The following HNF1A variants were observed in gnomAD, a reference collection of about 807,000 sequenced individuals.
HNF1A encodes the protein hepatocyte nuclear factor 1-alpha.
Under a neutral mutation model 62.2 loss-of-function variants are expected in HNF1A, and 21 were observed. That is an observed-to-expected ratio of 0.34 (90% CI 0.24 to 0.49). The LOEUF is 0.49. Ranked by LOEUF, HNF1A falls within the 20% of genes least tolerant of loss-of-function variation. The pLI is 0.99. For synonymous variants in HNF1A, 374 were observed against 366.8 expected (o/e 1.02, Z -0.22); for missense variants, 687 against 832.3 (o/e 0.83, Z 2.15).
chr12:120,980,354 C>T (rs56015214), intron 1 of HNF1A, among the ~76,000 whole-genome samples: 1,798 of 152,152 alleles, frequency 0.012, 10 homozygotes, highest in Non-Finnish European at 0.019. Context: ...TGTCCAAGGT[C>T]CTGATCCCAG....
At chr12:120,987,035 A>T (rs148119737) in intron 1 of HNF1A, among the ~76,000 whole-genome samples, 50 of 152,320 alleles carry the variant, frequency 3.3e-4, no homozygotes, top group Non-Finnish European at 5.6e-4. Flanking sequence ...CCCACAGCAG[A>T]GACATGACTC....
At chr12:120,982,055 G>A (rs1258001711) in intron 1 of HNF1A, among the ~76,000 whole-genome samples, 2 of 152,086 alleles carry the variant, frequency 1.3e-5, no homozygotes, top group East Asian at 1.9e-4. Context: ...AAACCCCAGC[G>A]TGTTTCTTTT....
At chr12:120,983,690 CAT>C (rs1876363856) in intron 1 of HNF1A, among the ~76,000 whole-genome samples, 1 of 151,968 alleles carries the variant, frequency 6.6e-6, no homozygotes, top group African/African-American at 2.4e-5. Flanking sequence ...GGACCACAGG[CAT>C]ACGACACCAC....
chr12:120,984,231 C>T (rs1350617360), intron 1 of HNF1A, among the ~76,000 whole-genome samples: 1 of 152,150 alleles, frequency 6.6e-6, no homozygotes, highest in Non-Finnish European at 1.5e-5. Context: ...TTTTCACATT[C>T]AAAAGCCTGT....
At chr12:120,997,059 TG>T in intron 6 of HNF1A, 1 of 1,419,524 alleles carries the variant, frequency 7.0e-7, no homozygotes, top group Non-Finnish European at 9.3e-7. Context: ...TTTTGTTTTA[TG>T]AAGAAAAATT....
intron 1 of HNF1A, among the ~76,000 whole-genome samples, chr12:120,986,076 T>C (rs1346133865): frequency 1.3e-5 from 2 of 152,100 alleles, no homozygotes; most frequent in Admixed American, 6.5e-5. Context: ...CAGAGAAAAC[T>C]GTCCTTCTCA....
intron 6 of HNF1A, chr12:120,997,085 C>T (rs1877147850): frequency 7.1e-7 from 1 of 1,407,978 alleles, no homozygotes; most frequent in Non-Finnish European, 9.3e-7. Flanking sequence ...CCAGAAAGCC[C>T]TTATTTGCAG....
At position 120,985,257 on chromosome 12, in the gene HNF1A, T is replaced by G. The variant is rs530061434; in HGVS notation, c.327-3576T>G. Among the ~76,000 whole-genome samples, 4 of 151,652 alleles carry G rather than the reference T, an allele frequency of 2.6e-5. No individual in the cohort carries two copies. The East Asian group carries it at 7.9e-4, about 30-fold the overall frequency. Reference sequence around the variant, plus strand: ...CACCATGCCTGGCTAATTTATTTTTTTTTTTATAGAGACAGAGTCTCACTA... The same window carrying G: ...CACCATGCCTGGCTAATTTATTTTTGTTTTTATAGAGACAGAGTCTCACTA... On this transcript the variant is annotated intron_variant, in intron 1 of 9. Transcript: ENST00000257555.
rs1461506204 is a variant in HNF1A, at chr12:120,996,902, C to A, written c.1309+160C>A. ...CAGTCACTGTGCTACATCAGTGATA[C>A]CTGGGTGAACCAAACAGACCAAAAT... On this transcript the variant is annotated intron_variant, in intron 6 of 9. Coordinates refer to ENST00000257555, the MANE Select transcript of HNF1A (RefSeq NM_000545.8). The surrounding 1 kb of genome is among the most constrained non-coding windows in gnomAD (Gnocchi z 4.5). 1 of 1,508,774 alleles carries A rather than the reference C, an allele frequency of 6.6e-7. No individual in the cohort carries two copies. Among genetic ancestry groups the A allele is most frequent in the East Asian group, 2.5e-5 (1 of 40,658 alleles). 93.5% of individuals were successfully genotyped at this position (1,508,774 alleles called of 1,614,324 possible).
At chr12:120,990,380 T>C (rs1039759226) in intron 2 of HNF1A, among the ~76,000 whole-genome samples, 26 of 152,226 alleles carry the variant, frequency 1.7e-4, no homozygotes, top group Admixed American at 9.2e-4. Flanking sequence ...CCGCCCGCCT[T>C]GGCCTCCCAA....
intron 1 of HNF1A, among the ~76,000 whole-genome samples, chr12:120,984,007 G>A (rs1238986424): frequency 6.6e-6 from 1 of 151,794 alleles, no homozygotes; most frequent in Non-Finnish European, 1.5e-5. Context: ...GGGAGTGGGG[G>A]GTAGGGAGAG....
chr12:120,981,558 C>T (rs1876250169), intron 1 of HNF1A, among the ~76,000 whole-genome samples: 1 of 152,166 alleles, frequency 6.6e-6, no homozygotes, highest in Admixed American at 6.5e-5. Flanking sequence ...GTCATTTTGG[C>T]TTTGCTGTTC....
chr12:120,996,790 C>A lies in HNF1A; in HGVS notation c.1309+48C>A. ...GCACCTGGGTGGGAGGCTCATGGGGCAACCGCAGAATCCAGGAGCTGGAAG... is the reference window on the plus strand; with the variant it reads ...GCACCTGGGTGGGAGGCTCATGGGGAAACCGCAGAATCCAGGAGCTGGAAG... On this transcript the variant is annotated intron_variant, in intron 6 of 9. Transcript: ENST00000257555. This position sits in a 1 kb window ranked among gnomAD's most constrained non-coding sequence, Gnocchi z 4.5. The A allele has an allele frequency of 6.2e-7, 1 of 1,604,942 alleles. No individual in the cohort carries two copies. Among genetic ancestry groups the A allele is most frequent in the South Asian group, 1.1e-5 (1 of 89,530 alleles).
chr12:120,981,755 G>A (rs1490782202), intron 1 of HNF1A, among the ~76,000 whole-genome samples: 1 of 152,198 alleles, frequency 6.6e-6, no homozygotes, highest in Non-Finnish European at 1.5e-5. Flanking sequence ...CTGGTTCCCT[G>A]TCAAGACTTG....
intron 1 of HNF1A, among the ~76,000 whole-genome samples, chr12:120,985,160 G>A (rs1260704052): frequency 2.6e-5 from 4 of 151,508 alleles, no homozygotes. Context: ...TGTCCAGGCT[G>A]GTCTCAAACT....
At chr12:120,992,253 G>A (rs1408355768) in intron 2 of HNF1A, among the ~76,000 whole-genome samples, 1 of 152,166 alleles carries the variant, frequency 6.6e-6, no homozygotes, top group African/African-American at 2.4e-5. Context: ...TCTCAGACAG[G>A]CTCTCCTCAT....
intron 1 of HNF1A, 53 bp from the exon 2 acceptor site, chr12:120,988,780 C>T (rs534306985): frequency 1.9e-6 from 3 of 1,556,370 alleles, no homozygotes; most frequent in Non-Finnish European, 2.7e-6. Flanking sequence ...GCAGCCCCAC[C>T]TATGGGGAGA....
At position 120,978,847 on chromosome 12, in the gene HNF1A, A is replaced by C. The variant is rs1169288; in HGVS notation, c.79A>C (p.Ile27Leu). The C allele has an allele frequency of 0.33, 531,028 of 1,612,800 alleles. 91,048 individuals carry two copies. The highest frequency in any genetic ancestry group is 0.49 in the Middle Eastern group (2,971 of 6,060). ...GTCAGGGCTGAGCAAAGAGGCACTGATCCAGGCACTGGGTGAGCCGGGGCC... is the reference window on the plus strand; with the variant it reads ...GTCAGGGCTGAGCAAAGAGGCACTGCTCCAGGCACTGGGTGAGCCGGGGCC... ...LESGLSKEAL[I>L]QALGEPGPYL... Residue 27 changes from isoleucine (I) to leucine (L), a missense_variant, in exon 1 of 10, where the codon ATC becomes CTC. Coordinates refer to ENST00000257555, the MANE Select transcript of HNF1A (RefSeq NM_000545.8).
chr12:121,000,544 GGGCTGGCA>G (rs1877385855), intron 9 of HNF1A: 1 of 203,068 alleles, frequency 4.9e-6, no homozygotes, highest in Non-Finnish European at 1.0e-5. Context: ...TGTCTGCGGG[GGGCTGGCA>G]GGCCTGAAAT....
Sources: allele counts gnomAD v4.1 joint callset (sites outside exome capture counted in the v4.1 genomes callset), GRCh38; gene constraint gnomAD v4.1.1; non-coding constraint Gnocchi (gnomAD v3.1); transcripts MANE v1.5; gene names NCBI Gene and HGNC (gene_info 2026-07-23, HGNC 2026-07-21).